Variants in RBFOX1 observed in about 807,000 individuals in gnomAD.
RBFOX1 encodes the protein RNA binding fox-1 homolog 1, also known as RNA binding protein fox-1 homolog 1.
In RBFOX1, 8 loss-of-function variants were observed where a neutral mutation model predicts 57.7. The observed-to-expected ratio is 0.14, with a 90% CI of 0.08 to 0.25. The LOEUF is 0.25. Ranked by LOEUF, RBFOX1 falls within the 10% of genes least tolerant of loss-of-function variation. RBFOX1 has a pLI of 1.00. For missense variants in RBFOX1, 611 were observed against 548.5 expected, an observed-to-expected ratio of 1.11 and a Z score of -1.14; for synonymous variants, 326 against 222.4, an observed-to-expected ratio of 1.47 and a Z score of -4.15.
At chr16:6,431,888 G>GCTTTCTTT (rs1491171814) in intron 2 of RBFOX1, among the ~76,000 whole-genome samples, 218 of 109,848 alleles carry the variant, frequency 2.0e-3, no homozygotes, top group Admixed American at 4.6e-3. Context: ...AAATATGCTT[G>GCTTTCTTT]CTTGCTTGCT....
chr16:6,607,742 C>T (rs990480373), intron 2 of RBFOX1, among the ~76,000 whole-genome samples: 1 of 152,142 alleles, frequency 6.6e-6, no homozygotes, highest in Admixed American at 6.5e-5. Context: ...TGGTTTCCCC[C>T]TGCTGTATAT....
At chr16:7,097,995 C>T (rs2061986801) in intron 4 of RBFOX1, among the ~76,000 whole-genome samples, 1 of 152,094 alleles carries the variant, frequency 6.6e-6, no homozygotes, top group Non-Finnish European at 1.5e-5. Flanking sequence ...TTTCAAGAAT[C>T]TTCGAGGGCA....
intron 3 of RBFOX1, among the ~76,000 whole-genome samples, chr16:6,846,884 C>G (rs183973254): frequency 4.7e-5 from 7 of 149,730 alleles, no homozygotes; most frequent in Admixed American, 1.3e-4. Context: ...AAGAAAATTA[C>G]AAAGGGAAAG....
At chr16:6,917,143 A>G (rs993430815) in intron 3 of RBFOX1, among the ~76,000 whole-genome samples, 2 of 152,078 alleles carry the variant, frequency 1.3e-5, no homozygotes, top group African/African-American at 4.8e-5. Flanking sequence ...GAGCCACTGT[A>G]CCCAGCCTGC....
intron 3 of RBFOX1, among the ~76,000 whole-genome samples, chr16:5,774,615 T>G (rs1036119953): frequency 3.9e-5 from 6 of 152,226 alleles, no homozygotes; most frequent in African/African-American, 7.2e-5. Flanking sequence ...AACATTTACA[T>G]GGTGTCTACT....
intron 2 of RBFOX1, chr16:6,484,004 T>C: frequency 1.1e-6 from 1 of 950,212 alleles, no homozygotes; most frequent in Non-Finnish European, 1.3e-6. Context: ...GTCTGGACAC[T>C]TGGAGAGGGC....
intron 3 of RBFOX1, among the ~76,000 whole-genome samples, chr16:6,949,444 A>C (rs2080238147): frequency 6.6e-6 from 1 of 152,168 alleles, no homozygotes; most frequent in African/African-American, 2.4e-5. Context: ...TGGGTTGCGT[A>C]AGCAACACAG....
At chr16:6,997,307 TTAAAA>T (rs1352803864) in intron 3 of RBFOX1, among the ~76,000 whole-genome samples, 6 of 152,174 alleles carry the variant, frequency 3.9e-5, no homozygotes, top group Non-Finnish European at 7.4e-5. Flanking sequence ...TTTATATTTG[TTAAAA>T]TAACATACTT....
At chr16:6,026,155 C>T (rs888565437) in intron 1 of RBFOX1, among the ~76,000 whole-genome samples, 26 of 152,204 alleles carry the variant, frequency 1.7e-4, no homozygotes, top group African/African-American at 6.3e-4. Context: ...CCAGGGGCAT[C>T]TTATATTTTA....
At chr16:7,084,415 G>T (rs77943656) in intron 4 of RBFOX1, among the ~76,000 whole-genome samples, 16 of 152,248 alleles carry the variant, frequency 1.1e-4, no homozygotes, top group African/African-American at 3.9e-4. Flanking sequence ...ACACCTCGAA[G>T]AGGAAAAAAG....
intron 11 of RBFOX1, among the ~76,000 whole-genome samples, chr16:7,631,165 TGAGGAGGAGGAG>T (rs3837772): frequency 8.7e-5 from 13 of 150,056 alleles, no homozygotes; most frequent in African/African-American, 2.0e-4. Context: ...GTAATTCCAA[TGAGGAGGAGGAG>T]GAGGAGGAGG....
intron 4 of RBFOX1, among the ~76,000 whole-genome samples, chr16:7,327,914 C>G (rs1194303956): frequency 6.6e-6 from 1 of 152,106 alleles, no homozygotes. Context: ...GCGATGTTGA[C>G]CGACAGAATC....
chr16:6,188,545 C>G (rs1476265199), intron 1 of RBFOX1, among the ~76,000 whole-genome samples: 1 of 151,994 alleles, frequency 6.6e-6, no homozygotes, highest in Non-Finnish European at 1.5e-5. Flanking sequence ...AAACCTTCAG[C>G]TATGAGGAAA....
At chr16:6,698,279 A>C (rs1208835802) in intron 3 of RBFOX1, among the ~76,000 whole-genome samples, 1 of 152,216 alleles carries the variant, frequency 6.6e-6, no homozygotes, top group Non-Finnish European at 1.5e-5. Flanking sequence ...TATGGGGGGT[A>C]ATCTATTTGT....
chr16:5,447,746 C>A (rs755939733), intron 1 of RBFOX1, among the ~76,000 whole-genome samples: 1 of 152,200 alleles, frequency 6.6e-6, no homozygotes, highest in Admixed American at 6.5e-5. Context: ...TCTCTCAGCA[C>A]GTGATGTTAT....
chr16:5,298,296 G>A (rs2063717008), intron 1 of RBFOX1, among the ~76,000 whole-genome samples: 1 of 152,154 alleles, frequency 6.6e-6, no homozygotes, highest in Non-Finnish European at 1.5e-5. Flanking sequence ...ATTCTATAGT[G>A]AGAGGTGTAA....
chr16:7,555,822 C>T (rs753560253), intron 5 of RBFOX1, among the ~76,000 whole-genome samples: 7 of 152,188 alleles, frequency 4.6e-5, no homozygotes, highest in Non-Finnish European at 8.8e-5. Context: ...AAGCCTACCT[C>T]CACGGTCCCT....
At chr16:6,084,941 A>T (rs949949214) in intron 1 of RBFOX1, among the ~76,000 whole-genome samples, 3 of 152,112 alleles carry the variant, frequency 2.0e-5, no homozygotes, top group African/African-American at 7.2e-5. Context: ...TCTTGTGAGG[A>T]AAAGGAAAAA....
chr16:7,572,982 G>T (rs2092948822), intron 5 of RBFOX1, among the ~76,000 whole-genome samples: 1 of 152,136 alleles, frequency 6.6e-6, no homozygotes. Context: ...CATCCTGGTA[G>T]AAAAGATAGG....
Sources: allele counts gnomAD v4.1 joint callset (sites outside exome capture counted in the v4.1 genomes callset), GRCh38; gene constraint gnomAD v4.1.1; transcripts MANE v1.5; gene names NCBI Gene and HGNC (gene_info 2026-07-23, HGNC 2026-07-21).